The following SGCD variants were observed in gnomAD, a reference collection of about 807,000 sequenced individuals.
SGCD encodes the protein sarcoglycan delta, also known as delta-sarcoglycan.
A neutral mutation model predicts 36.6 loss-of-function variants in SGCD; 18 were observed. The observed-to-expected ratio is 0.49, with a 90% CI of 0.34 to 0.73. SGCD has a LOEUF of 0.73. SGCD is among the 30% of genes least tolerant of loss of function. The probability of loss-of-function intolerance (pLI) is 0.01; values close to 1 mark genes in which losing one functional copy is unlikely to be tolerated. For synonymous variants in SGCD, 133 were observed against 130.6 expected (o/e 1.02, Z -0.12); for missense variants, 387 against 346.7 (o/e 1.12, Z -0.92).
At chr5:156,751,050 C>A (rs985572807) in intron 7 of SGCD, among the ~76,000 whole-genome samples, 2 of 152,106 alleles carry the variant, frequency 1.3e-5, no homozygotes, top group African/African-American at 4.8e-5. Flanking sequence ...ACCCAAGAAT[C>A]GCTAAGACAT....
chr5:156,489,793 C>T (rs772516228), intron 3 of SGCD, among the ~76,000 whole-genome samples: 1 of 151,694 alleles, frequency 6.6e-6, no homozygotes, highest in Non-Finnish European at 1.5e-5. Flanking sequence ...TAATAAACAA[C>T]CTAATGATAC....
At chr5:156,631,880 A>G (rs918058156) in intron 6 of SGCD, among the ~76,000 whole-genome samples, 11 of 152,140 alleles carry the variant, frequency 7.2e-5, no homozygotes, top group African/African-American at 2.7e-4. Flanking sequence ...AGTGATGTAG[A>G]CTGTTAGGGA....
intron 3 of SGCD, among the ~76,000 whole-genome samples, chr5:156,406,819 TAC>T (rs58920671): frequency 0.013 from 1,355 of 103,980 alleles, 41 homozygotes; most frequent in Non-Finnish European, 0.014. Flanking sequence ...TATATATATA[TAC>T]ACACACACAC....
the SGCD span, among the ~76,000 whole-genome samples, chr5:155,774,232 G>A: frequency 1.3e-5 from 2 of 152,096 alleles, no homozygotes; most frequent in Non-Finnish European, 2.9e-5. Flanking sequence ...TTTTAGGACT[G>A]TTGCTATAGA....
intron 3 of SGCD, among the ~76,000 whole-genome samples, chr5:156,407,825 A>G (rs953186163): frequency 6.6e-6 from 1 of 152,196 alleles, no homozygotes; most frequent in African/African-American, 2.4e-5. Context: ...TGATTATTGT[A>G]TAAAGTCTGC....
chr5:156,676,299 C>T (rs1329739655), intron 7 of SGCD, among the ~76,000 whole-genome samples: 3 of 152,138 alleles, frequency 2.0e-5, no homozygotes, highest in Non-Finnish European at 4.4e-5. Flanking sequence ...CTGCCTGCAA[C>T]CTGTTGCTGG....
intron 7 of SGCD, among the ~76,000 whole-genome samples, chr5:156,693,979 T>G (rs1754210554): frequency 6.6e-6 from 1 of 152,136 alleles, no homozygotes; most frequent in Non-Finnish European, 1.5e-5. Flanking sequence ...TGACACAGGC[T>G]GACAGTCAGG....
chr5:156,609,638 G>A (rs1761678520), intron 6 of SGCD, among the ~76,000 whole-genome samples: 1 of 152,172 alleles, frequency 6.6e-6, no homozygotes, highest in South Asian at 2.1e-4. Context: ...CCTGCAGAGT[G>A]TTTTCCAACT....
In SGCD at chr5:156,461,631, T is replaced by A. The variant is rs1003693494; in HGVS notation, c.193-46970T>A. 4.1e-4 allele frequency among the ~76,000 whole-genome samples: 62 copies of A among 152,140 alleles called. 1 individual carries two copies. The highest frequency in any genetic ancestry group is 2.6e-3 in the Admixed American group (40 of 15,260). On this transcript the variant is annotated intron_variant, in intron 3 of 8. Transcript: ENST00000337851. ...CTCTTTTTTTCTCGGGTCCTTTCCC[T>A]TTTTACTTATCAGGAAAGATAAGGA...
Position 156,430,656 on chromosome 5 carries a change from A to C in SGCD, c.193-77945A>C, listed in dbSNP as rs571572863. ...TCTTGAATTTATTTTTGTTTGGACTATGTTTTTTTTTATTTCATTTTTCCT... is the reference window on the plus strand; with the variant it reads ...TCTTGAATTTATTTTTGTTTGGACTCTGTTTTTTTTTATTTCATTTTTCCT... On this transcript the variant is annotated intron_variant, in intron 3 of 8. Transcript: ENST00000337851. Among the ~76,000 whole-genome samples, 11 of 151,974 alleles carry C rather than the reference A, an allele frequency of 7.2e-5. No homozygotes were observed. The South Asian group carries it at 1.9e-3, about 26-fold the overall frequency.
intron 3 of SGCD, among the ~76,000 whole-genome samples, chr5:156,410,691 T>C (rs1772693202): frequency 6.6e-6 from 1 of 152,198 alleles, no homozygotes; most frequent in Non-Finnish European, 1.5e-5. Context: ...AATGAACCTG[T>C]GAAACCTTTG....
intron 3 of SGCD, among the ~76,000 whole-genome samples, chr5:156,470,930 C>T (rs1334824647): frequency 1.3e-5 from 2 of 152,152 alleles, no homozygotes; most frequent in Admixed American, 1.3e-4. Flanking sequence ...AAAGCTAGGT[C>T]ACCTCTAGGG....
chr5:155,877,788 A>G (rs900228833), intron 1 of SGCD, among the ~76,000 whole-genome samples: 4 of 152,132 alleles, frequency 2.6e-5, no homozygotes, highest in Admixed American at 1.3e-4. Flanking sequence ...ACAAACCCTG[A>G]TAAGTGCAAT....
At chr5:156,444,883 A>G (rs1331586562) in intron 3 of SGCD, among the ~76,000 whole-genome samples, 1 of 152,210 alleles carries the variant, frequency 6.6e-6, no homozygotes, top group Non-Finnish European at 1.5e-5. Flanking sequence ...GATAATAAAG[A>G]CACTAAATGG....
chr5:156,221,542 G>T (rs1209016699), intron 3 of SGCD, among the ~76,000 whole-genome samples: 1 of 151,572 alleles, frequency 6.6e-6, no homozygotes, highest in African/African-American at 2.4e-5. Context: ...TGGGTTGTTG[G>T]GAGAATCTAA....
chr5:156,746,780 A>G (rs1756954098), intron 7 of SGCD, among the ~76,000 whole-genome samples: 1 of 152,232 alleles, frequency 6.6e-6, no homozygotes, highest in African/African-American at 2.4e-5. Context: ...CATGGGAAGA[A>G]TATCTTTGTG....
chr5:156,294,134 A>G (rs1413294143), intron 3 of SGCD, among the ~76,000 whole-genome samples: 1 of 152,082 alleles, frequency 6.6e-6, no homozygotes, highest in African/African-American at 2.4e-5. Context: ...TCATTTTTGA[A>G]TTGCTCATTT....
At chr5:156,114,401 C>T (rs1014872833) in intron 1 of SGCD, among the ~76,000 whole-genome samples, 8 of 152,072 alleles carry the variant, frequency 5.3e-5, no homozygotes, top group Non-Finnish European at 1.0e-4. Flanking sequence ...TATATATCCA[C>T]GTATTTGTCA....
At chr5:156,612,472 G>A (rs1257035877) in intron 6 of SGCD, among the ~76,000 whole-genome samples, 1 of 152,214 alleles carries the variant, frequency 6.6e-6, no homozygotes, top group Non-Finnish European at 1.5e-5. Flanking sequence ...CTATGGGCTG[G>A]TTACTCACAA....
Sources: gnomAD v4.1 joint callset for allele counts (sites outside exome capture counted in the v4.1 genomes callset) on GRCh38, gnomAD v4.1.1 for gene constraint, MANE v1.5 for transcripts, NCBI Gene and HGNC (gene_info 2026-07-23, HGNC 2026-07-21) for gene names.